FAM20C: variants seen among roughly 807,000 people sequenced by gnomAD.
The protein encoded by FAM20C is FAM20C golgi associated secretory pathway kinase.
In FAM20C, 40 loss-of-function variants were observed where a neutral mutation model predicts 51.5. That is an observed-to-expected ratio of 0.78 (90% confidence interval 0.60 to 1.01). FAM20C has a LOEUF of 1.01. Among genes scored for constraint, FAM20C ranks in the 50% least tolerant of loss-of-function variants. FAM20C has a pLI of 0.00. For missense variants in FAM20C, 861 were observed against 844.7 expected (o/e 1.02, Z -0.24); for synonymous variants, 406 against 380.6 (o/e 1.07, Z -0.78).
intron 5 of FAM20C, among the ~76,000 whole-genome samples, chr7:251,187 C>T (rs1261530251): frequency 4.0e-5 from 6 of 149,978 alleles, no homozygotes; most frequent in East Asian, 2.0e-4. Context: ...ACTGAGTGGC[C>T]GGGCACGGCG....
rs982857216 is a variant in FAM20C at position 260,345 on chromosome 7, G to A, written c.*365G>A. The A allele has an allele frequency of 3.0e-5, 5 of 167,994 alleles. No homozygotes were observed. The highest frequency in any genetic ancestry group is 5.1e-5 in the Non-Finnish European group (4 of 79,014). 10.4% of individuals were successfully genotyped at this position (167,994 alleles called of 1,614,324 possible). ...GCCAATCACCTACCAAACCAAACACGAGGACCGCCCTCCCTGGTTCTGGGG... is the reference window on the plus strand; with the variant it reads ...GCCAATCACCTACCAAACCAAACACAAGGACCGCCCTCCCTGGTTCTGGGG... On this transcript the variant is annotated 3_prime_UTR_variant, in exon 10 of 10. Coordinates refer to ENST00000313766, the MANE Select transcript of FAM20C (RefSeq NM_020223.4).
chr7:230,872 T>C (rs913556981), intron 3 of FAM20C, among the ~76,000 whole-genome samples: 8 of 151,702 alleles, frequency 5.3e-5, no homozygotes, highest in African/African-American at 1.7e-4. Flanking sequence ...ATATACTGAA[T>C]AATACCTACC....
intron 2 of FAM20C, among the ~76,000 whole-genome samples, chr7:201,314 C>T (rs1036532625): frequency 5.3e-5 from 8 of 152,228 alleles, no homozygotes; most frequent in African/African-American, 9.7e-5. Context: ...CCCACGCTGA[C>T]GGCAGCATCT....
chr7:220,831 G>A (rs931984970), intron 3 of FAM20C, among the ~76,000 whole-genome samples: 15 of 152,348 alleles, frequency 9.8e-5, no homozygotes, highest in Admixed American at 2.0e-4. Flanking sequence ...GCACCCAGCC[G>A]TCACGCCCTG....
rs569885913 is a variant in FAM20C at position 202,810 on chromosome 7, G to A, written c.785-6088G>A. 5.9e-5 allele frequency among the ~76,000 whole-genome samples: 9 copies of A among 152,280 alleles called. No individual in the cohort carries two copies. In the South Asian group the frequency reaches 1.7e-3, roughly 28 times the overall value. ...GGCTGCTGGGTGGGATTGCACTGGG[G>A]AATGGGGCCCGTGGACATCTTCCTG... is the stretch of plus-strand genomic sequence containing the variant. On this transcript the variant is annotated intron_variant, in intron 2 of 9. Coordinates refer to ENST00000313766, the MANE Select transcript of FAM20C (RefSeq NM_020223.4).
At chr7:257,807 ACCCACTGCCCGGGGTGCTGGAGATG>A (rs1562400888) in intron 8 of FAM20C, among the ~76,000 whole-genome samples, 2,963 of 130,170 alleles carry the variant, frequency 0.023, 18 homozygotes, top group Middle Eastern at 0.047. Flanking sequence ...GGCTGGGTGG[ACCCACTGCCCGGGGTGCTGGAGATG>A]GGCAGGGTGG....
Position 253,809 on chromosome 7 carries a change from T to C in FAM20C, c.1073-2040T>C, listed in dbSNP as rs982784564. ...TGGGCCCGAGAAATGCCTTTCTCTT[T>C]TAACACGATACCATCTGAAACCGGC... On this transcript the variant is annotated intron_variant, in intron 5 of 9. Transcript: ENST00000313766. Among the ~76,000 whole-genome samples, 8 of 152,238 alleles carry C rather than the reference T, an allele frequency of 5.3e-5. No individual in the cohort carries two copies. The East Asian group carries it at 1.5e-3, about 29-fold the overall frequency.
chr7:199,362 C>T (rs895191035), intron 2 of FAM20C, among the ~76,000 whole-genome samples: 1 of 152,218 alleles, frequency 6.6e-6, no homozygotes, highest in African/African-American at 2.4e-5. Flanking sequence ...CAAAGGCCAG[C>T]CCTGCCTTCC....
chr7:242,874 T>C (rs1248489472), intron 3 of FAM20C, among the ~76,000 whole-genome samples: 1 of 152,072 alleles, frequency 6.6e-6, no homozygotes, highest in African/African-American at 2.4e-5. Flanking sequence ...CAGAGGGACG[T>C]GGAGTGGCTG....
intron 3 of FAM20C, among the ~76,000 whole-genome samples, chr7:236,150 G>A (rs1337192740): frequency 1.3e-5 from 2 of 152,004 alleles, no homozygotes; most frequent in African/African-American, 2.4e-5. Flanking sequence ...TTTCCCGGGG[G>A]CTGAATCAGC....
chr7:216,614 TGTGTATGAGTGTGTGTGA>T (rs1478488497), intron 3 of FAM20C, among the ~76,000 whole-genome samples: 8 of 117,074 alleles, frequency 6.8e-5, no homozygotes, highest in Non-Finnish European at 1.0e-4. Flanking sequence ...TCTGTGTGTG[TGTGTATGAGTGTGTGTGA>T]GTGTGTGTGA....
At chr7:208,830 C>A in intron 2 of FAM20C, 68 bp from the exon 3 acceptor site, 1 of 1,482,754 alleles carries the variant, frequency 6.7e-7, no homozygotes, top group Non-Finnish European at 9.2e-7. Context: ...CAAGAGCCCT[C>A]GTCCGCACAG....
chr7:206,511 GCGTCTGT>G (rs1408030198), intron 2 of FAM20C, among the ~76,000 whole-genome samples: 39 of 149,788 alleles, frequency 2.6e-4, no homozygotes, highest in East Asian at 5.9e-4. Flanking sequence ...CCACTGTGAC[GCGTCTGT>G]CATGGTCCCC....
chr7:257,397 A>G, intron 8 of FAM20C: 1 of 336,980 alleles, frequency 3.0e-6, no homozygotes, highest in South Asian at 4.5e-5. Flanking sequence ...TGCAGAATAG[A>G]TGGGCCTCTG....
At chr7:229,266 T>C (rs556474749) in intron 3 of FAM20C, 1 of 234,652 alleles carries the variant, frequency 4.3e-6, no homozygotes, top group East Asian at 9.8e-5. Context: ...GAATGCATTT[T>C]CTGGGAACTT....
chr7:219,675 GGGTGAATCCT>G (rs1431603887), intron 3 of FAM20C, among the ~76,000 whole-genome samples: 3 of 152,218 alleles, frequency 2.0e-5, no homozygotes, highest in African/African-American at 7.2e-5. Flanking sequence ...AGAGACTCCT[GGGTGAATCCT>G]GCCAGGCAGG....
At chr7:256,302 G>T in intron 6 of FAM20C, 3 of 585,524 alleles carry the variant, frequency 5.1e-6, no homozygotes, top group Non-Finnish European at 9.0e-6. Flanking sequence ...CTCTGCTCTC[G>T]CCCCGTCCCT....
intron 2 of FAM20C, among the ~76,000 whole-genome samples, chr7:200,577 G>C (rs1038410430): frequency 6.6e-6 from 1 of 152,248 alleles, no homozygotes; most frequent in Admixed American, 6.5e-5. Flanking sequence ...GCCCCGATGC[G>C]CACCTGCCGA....
chr7:207,675 A>T (rs376568970), intron 2 of FAM20C, among the ~76,000 whole-genome samples: 8 of 152,228 alleles, frequency 5.3e-5, no homozygotes, highest in African/African-American at 1.9e-4. Context: ...ACGTGTGACC[A>T]GTCCCTGGTG....
Sources: gnomAD v4.1 joint callset for allele counts (sites outside exome capture counted in the v4.1 genomes callset) on GRCh38, gnomAD v4.1.1 for gene constraint, MANE v1.5 for transcripts, NCBI Gene and HGNC (gene_info 2026-07-23, HGNC 2026-07-21) for gene names.